DGKG: variants seen among roughly 807,000 people sequenced by gnomAD.
DGKG encodes the protein diacylglycerol kinase gamma, also known as DAG kinase gamma.
A neutral mutation model predicts 105.3 loss-of-function variants in DGKG; 78 were observed. The ratio of observed to expected loss-of-function variants is 0.74; its 90% confidence interval spans 0.62 to 0.89. The LOEUF is 0.89. Ranked by LOEUF, DGKG falls within the 40% of genes least tolerant of loss-of-function variation. DGKG has a pLI of 0.00. For synonymous variants in DGKG, 346 were observed against 367.1 expected (o/e 0.94, Z 0.66); for missense variants, 958 against 1,020.1 (o/e 0.94, Z 0.83).
At chr3:186,179,613 T>A (rs562469641) in intron 22 of DGKG, among the ~76,000 whole-genome samples, 1 of 152,238 alleles carries the variant, frequency 6.6e-6, no homozygotes, top group Non-Finnish European at 1.5e-5. Flanking sequence ...ACAGTTTCTA[T>A]AGAAATAGGC....
At chr3:186,354,638 T>C (rs6762001) in intron 1 of DGKG, among the ~76,000 whole-genome samples, 1 of 152,216 alleles carries the variant, frequency 6.6e-6, no homozygotes, top group Non-Finnish European at 1.5e-5. Flanking sequence ...GCTCTTAAGC[T>C]CTTTCCTTCT....
intron 14 of DGKG, among the ~76,000 whole-genome samples, chr3:186,263,655 A>ATT (rs34266987): frequency 5.1e-4 from 75 of 146,662 alleles, no homozygotes; most frequent in Middle Eastern, 3.5e-3. Context: ...GTTCATTTGT[A>ATT]TTTTTTTTTT....
chr3:186,209,988 C>T (rs1307512279), intron 21 of DGKG, among the ~76,000 whole-genome samples: 1 of 152,186 alleles, frequency 6.6e-6, no homozygotes, highest in African/African-American at 2.4e-5. Context: ...CAACAACACC[C>T]TCCCTCCAGA....
At chr3:186,265,348 A>G (rs758694078) in intron 13 of DGKG, 42 bp from the exon 14 acceptor site, 1 of 1,571,762 alleles carries the variant, frequency 6.4e-7, no homozygotes, top group African/African-American at 1.3e-5. Flanking sequence ...TGGAAAAAGA[A>G]GCCTAACACA....
chr3:186,252,847 C>T (rs946562139), intron 18 of DGKG, among the ~76,000 whole-genome samples: 7 of 152,072 alleles, frequency 4.6e-5, no homozygotes, highest in Admixed American at 3.9e-4. Flanking sequence ...TTGATGGTTT[C>T]AGGATGATAG....
At chr3:186,293,743 C>T (rs955375863) in intron 5 of DGKG, among the ~76,000 whole-genome samples, 2 of 152,172 alleles carry the variant, frequency 1.3e-5, no homozygotes, top group African/African-American at 4.8e-5. Context: ...CCCTGGCTTC[C>T]ACCTGGGCAA....
At chr3:186,337,878 A>G (rs1486832561) in intron 1 of DGKG, among the ~76,000 whole-genome samples, 2 of 152,198 alleles carry the variant, frequency 1.3e-5, no homozygotes. Context: ...TTTTAATAAA[A>G]AGTAGAATGG....
At chr3:186,254,799 C>T (rs537242246) in intron 17 of DGKG, among the ~76,000 whole-genome samples, 2 of 152,286 alleles carry the variant, frequency 1.3e-5, no homozygotes, top group South Asian at 4.2e-4. Context: ...GAAGGGAAGT[C>T]CATGAACCAC....
At chr3:186,279,713 T>C (rs1406210494) in intron 9 of DGKG, 138 bp downstream of exon 9, 2 of 854,498 alleles carry the variant, frequency 2.3e-6, no homozygotes, top group Middle Eastern at 2.4e-4. Flanking sequence ...ATAATGTAAA[T>C]AGAGAGGACT....
At chr3:186,297,985 T>C (rs564660109) in intron 4 of DGKG, 79 bp downstream of exon 4, 5 of 1,499,840 alleles carry the variant, frequency 3.3e-6, no homozygotes, top group Non-Finnish European at 4.5e-6. Flanking sequence ...CAGGGGACCC[T>C]CTAGGAATGC....
At chr3:186,256,650 C>T (rs1351520727) in intron 17 of DGKG, among the ~76,000 whole-genome samples, 1 of 152,210 alleles carries the variant, frequency 6.6e-6, no homozygotes, top group Non-Finnish European at 1.5e-5. Context: ...ATGTCCTAGT[C>T]ACCTGGCCCC....
At chr3:186,164,233 G>C (rs1355692210) in intron 23 of DGKG, among the ~76,000 whole-genome samples, 2 of 152,198 alleles carry the variant, frequency 1.3e-5, no homozygotes, top group East Asian at 3.8e-4. Context: ...AAAAGGAAAG[G>C]AATAAAGACT....
At chr3:186,150,772 C>T (rs1470667168) in intron 24 of DGKG, among the ~76,000 whole-genome samples, 1 of 152,128 alleles carries the variant, frequency 6.6e-6, no homozygotes, top group Non-Finnish European at 1.5e-5. Context: ...CTTTTTAAAA[C>T]TTTTTTTTCT....
intron 1 of DGKG, among the ~76,000 whole-genome samples, chr3:186,338,483 C>T (rs111604902): frequency 0.014 from 2,086 of 151,990 alleles, 29 homozygotes; most frequent in South Asian, 0.045. Flanking sequence ...AACTAGTAAA[C>T]GTCATTTTAA....
chr3:186,217,395 T>C (rs768601152), intron 20 of DGKG, among the ~76,000 whole-genome samples: 5 of 152,284 alleles, frequency 3.3e-5, no homozygotes, highest in African/African-American at 4.8e-5. Context: ...ACTATCCAGA[T>C]GAACCCATTC....
chr3:186,178,121 T>C (rs946215305), intron 22 of DGKG, among the ~76,000 whole-genome samples: 2 of 152,194 alleles, frequency 1.3e-5, no homozygotes, highest in African/African-American at 4.8e-5. Context: ...CAAGAGTGCT[T>C]GTGGCTTGAT....
At chr3:186,193,381 T>C (rs1717999719) in intron 21 of DGKG, among the ~76,000 whole-genome samples, 1 of 152,224 alleles carries the variant, frequency 6.6e-6, no homozygotes, top group South Asian at 2.1e-4. Flanking sequence ...GGTGGGTTGA[T>C]GGGTGTCTGG....
At chr3:186,304,378 T>C (rs1560144886) in intron 3 of DGKG, among the ~76,000 whole-genome samples, 2 of 152,240 alleles carry the variant, frequency 1.3e-5, no homozygotes, top group Non-Finnish European at 2.9e-5. Flanking sequence ...TCTTCCTGCT[T>C]CATTCTCTCT....
chr3:186,308,780 G>A (rs1330443459), intron 2 of DGKG, among the ~76,000 whole-genome samples: 1 of 152,134 alleles, frequency 6.6e-6, no homozygotes, highest in Non-Finnish European at 1.5e-5. Context: ...CACTAAGGAG[G>A]GTAAGATGCG....
Sources: allele counts gnomAD v4.1 joint callset (sites outside exome capture counted in the v4.1 genomes callset), GRCh38; gene constraint gnomAD v4.1.1; transcripts MANE v1.5; gene names NCBI Gene and HGNC (gene_info 2026-07-23, HGNC 2026-07-21).